Variants in NEBL observed in about 807,000 individuals in gnomAD.
The protein encoded by NEBL is nebulette, also known as LIM and SH3 protein 2.
Under a neutral mutation model 140.2 loss-of-function variants are expected in NEBL, and 122 were observed. That is an observed-to-expected ratio of 0.87 (90% CI 0.75 to 1.01). The LOEUF is 1.01. Among genes scored for constraint, NEBL ranks in the 50% least tolerant of loss-of-function variants. NEBL has a pLI of 0.00. For synonymous variants in NEBL, 436 were observed against 398.9 expected (o/e 1.09, Z -1.11); for missense variants, 1,365 against 1,231.3 (o/e 1.11, Z -1.62).
intron 1 of NEBL, among the ~76,000 whole-genome samples, chr10:21,272,506 C>T (rs1461106062): frequency 6.6e-6 from 1 of 152,038 alleles, no homozygotes; most frequent in Non-Finnish European, 1.5e-5. Context: ...AGAGGATCAA[C>T]TGAGGCCAGA....
intron 3 of NEBL, among the ~76,000 whole-genome samples, chr10:21,189,651 A>G (rs1348225225): frequency 7.1e-6 from 1 of 141,184 alleles, no homozygotes; most frequent in African/African-American, 2.9e-5. Flanking sequence ...ATTTTTCAGT[A>G]GAGACGGGGG....
rs541026864 is a variant in NEBL, at chr10:20,800,993, A to G, written c.2761+7517T>C. Among the ~76,000 whole-genome samples, 5 of 152,236 alleles carry G rather than the reference A, an allele frequency of 3.3e-5. No homozygotes were observed. In the East Asian group the frequency reaches 5.8e-4, roughly 18 times the overall value. ...CTGGGACCATGTTCCCTTGAGCCCT[A>G]TCTCTGCAGAGATTGGGGTTCAGCA... On this transcript the variant is annotated intron_variant, in intron 26 of 27. Transcript: ENST00000377122.
At chr10:20,812,226 T>TAA (rs1838220769) in intron 24 of NEBL, among the ~76,000 whole-genome samples, 1 of 152,108 alleles carries the variant, frequency 6.6e-6, no homozygotes, top group African/African-American at 2.4e-5. Flanking sequence ...AAACAATTAT[T>TAA]TTGTTTTTCT....
At chr10:21,164,320 G>A (rs916142036) in intron 2 of NEBL, among the ~76,000 whole-genome samples, 17 of 152,160 alleles carry the variant, frequency 1.1e-4, no homozygotes, top group Non-Finnish European at 2.1e-4. Context: ...AAGCCCTCGA[G>A]GACAAGGGTG....
At chr10:20,964,656 T>A (rs898676456) in intron 3 of NEBL, among the ~76,000 whole-genome samples, 4 of 152,102 alleles carry the variant, frequency 2.6e-5, no homozygotes, top group African/African-American at 7.2e-5. Context: ...CAACATGAGA[T>A]TTGAGGGGGA....
intron 3 of NEBL, among the ~76,000 whole-genome samples, chr10:21,228,947 C>G (rs55853011): frequency 6.6e-6 from 1 of 152,020 alleles, no homozygotes; most frequent in Non-Finnish European, 1.5e-5. Flanking sequence ...CCAGAGCTCT[C>G]TATTTCCTCT....
chr10:21,172,703 C>A (rs937301732), intron 1 of NEBL, among the ~76,000 whole-genome samples: 1 of 152,088 alleles, frequency 6.6e-6, no homozygotes, highest in Non-Finnish European at 1.5e-5. Flanking sequence ...AATACACAGA[C>A]GCACCATGGA....
chr10:21,283,344 T>C (rs536643896), intron 1 of NEBL, among the ~76,000 whole-genome samples: 158 of 152,290 alleles, frequency 1.0e-3, no homozygotes, highest in Non-Finnish European at 1.8e-3. Context: ...TTGTTTAGCA[T>C]ATCATCAAGA....
chr10:21,132,648 G>T (rs981231417), intron 2 of NEBL, among the ~76,000 whole-genome samples: 2 of 152,148 alleles, frequency 1.3e-5, no homozygotes, highest in Non-Finnish European at 2.9e-5. Context: ...ACCAACATTT[G>T]TTATTGTCCA....
intron 19 of NEBL, 45 bp downstream of exon 19, chr10:20,823,163 G>C (rs1234507892): frequency 5.1e-6 from 7 of 1,370,522 alleles, no homozygotes; most frequent in Non-Finnish European, 5.1e-6. Flanking sequence ...ATTACGTGTT[G>C]ATATACAATA....
At chr10:20,807,307 C>A (rs376137479) in intron 26 of NEBL, among the ~76,000 whole-genome samples, 3 of 152,204 alleles carry the variant, frequency 2.0e-5, no homozygotes, top group African/African-American at 7.2e-5. Flanking sequence ...GCCTGGGCAA[C>A]AGAGCAAGAC....
At chr10:20,983,157 T>C in intron 3 of NEBL, among the ~76,000 whole-genome samples, 1 of 152,304 alleles carries the variant, frequency 6.6e-6, no homozygotes, top group African/African-American at 2.4e-5. Flanking sequence ...TGGAGAAGCA[T>C]GTCTCTTCAC....
At chr10:20,979,809 C>T (rs565230880) in intron 3 of NEBL, among the ~76,000 whole-genome samples, 1 of 152,238 alleles carries the variant, frequency 6.6e-6, no homozygotes, top group Non-Finnish European at 1.5e-5. Context: ...TGTGCTCAAG[C>T]AATCCTCCTA....
chr10:21,103,841 G>C (rs1837589219), intron 2 of NEBL, among the ~76,000 whole-genome samples: 1 of 152,010 alleles, frequency 6.6e-6, no homozygotes, highest in South Asian at 2.1e-4. Context: ...TACTTTTTGA[G>C]ACATATTCTT....
intron 3 of NEBL, among the ~76,000 whole-genome samples, chr10:20,999,161 G>GA (rs1589123016): frequency 6.8e-6 from 1 of 147,358 alleles, no homozygotes; most frequent in African/African-American, 2.6e-5. Context: ...GTGTGTGGGG[G>GA]GAAAAAAAAA....
upstream of NEBL, among the ~76,000 whole-genome samples, chr10:21,176,682 G>A (rs113613922): frequency 2.9e-3 from 447 of 152,090 alleles, 3 homozygotes; most frequent in African/African-American, 9.8e-3. Context: ...TTTTTCACTC[G>A]ACTGGTTAAG....
chr10:21,088,074 C>G (rs956155120), intron 2 of NEBL, among the ~76,000 whole-genome samples: 1 of 152,212 alleles, frequency 6.6e-6, no homozygotes, highest in African/African-American at 2.4e-5. Context: ...GTTTCCCTCC[C>G]CTACCATTCA....
chr10:20,793,292 TC>T, intron 26 of NEBL: 1 of 905,064 alleles, frequency 1.1e-6, no homozygotes, highest in East Asian at 1.2e-4. Context: ...ATAATTAAGC[TC>T]AAGCTTTGGG....
chr10:20,790,473 T>G (rs1835855401), intron 26 of NEBL, among the ~76,000 whole-genome samples: 1 of 151,294 alleles, frequency 6.6e-6, no homozygotes. Flanking sequence ...GTGGGGTGTG[T>G]GCCTGTAATC....
Sources: allele counts gnomAD v4.1 joint callset (sites outside exome capture counted in the v4.1 genomes callset), GRCh38; gene constraint gnomAD v4.1.1; transcripts MANE v1.5; gene names NCBI Gene and HGNC (gene_info 2026-07-23, HGNC 2026-07-21).